SEC24D: variants seen among roughly 807,000 people sequenced by gnomAD.
SEC24D encodes the protein protein transport protein Sec24D.
Under a neutral mutation model 116.9 loss-of-function variants are expected in SEC24D, and 69 were observed. That is an observed-to-expected ratio of 0.59 (90% confidence interval 0.49 to 0.72). The LOEUF (loss-of-function observed/expected upper bound fraction) is 0.72. Among genes scored for constraint, SEC24D ranks in the 30% least tolerant of loss-of-function variants. SEC24D has a pLI of 0.00. For synonymous variants in SEC24D, 405 were observed against 442.8 expected (o/e 0.91, Z 1.07); for missense variants, 1,131 against 1,264.1 (o/e 0.89, Z 1.60).
At chr4:118,729,941 G>C (rs1456064546) in intron 21 of SEC24D, 2 of 152,324 alleles carry the variant, frequency 1.3e-5, no homozygotes, top group East Asian at 3.9e-4. Flanking sequence ...AACAACGTAA[G>C]TATTCTTCAT....
chr4:118,737,985 G>C (rs1040718940), intron 19 of SEC24D: 22 of 264,966 alleles, frequency 8.3e-5, no homozygotes, highest in South Asian at 3.0e-4. Flanking sequence ...GTTTATATTA[G>C]GACACTTCTT....
At chr4:118,780,944 G>A (rs1439117171) in intron 8 of SEC24D, among the ~76,000 whole-genome samples, 2 of 55,760 alleles carry the variant, frequency 3.6e-5, no homozygotes, top group South Asian at 1.1e-3. Context: ...CTTTCCATTT[G>A]CTTGGTAGAT....
intron 1 of SEC24D, among the ~76,000 whole-genome samples, chr4:118,834,987 T>C (rs1731029565): frequency 6.6e-6 from 1 of 152,152 alleles, no homozygotes; most frequent in African/African-American, 2.4e-5. Flanking sequence ...AAAAATATTA[T>C]GAGATCATTT....
At chr4:118,755,620 C>A (rs1227970668) in intron 11 of SEC24D, among the ~76,000 whole-genome samples, 1 of 151,938 alleles carries the variant, frequency 6.6e-6, no homozygotes, top group African/African-American at 2.4e-5. Context: ...AAGAATGAGG[C>A]CTTCCTTTTT....
intron 22 of SEC24D, among the ~76,000 whole-genome samples, chr4:118,726,613 G>C (rs1010889599): frequency 2.0e-5 from 3 of 152,168 alleles, no homozygotes; most frequent in African/African-American, 7.2e-5. Context: ...TGAACAGCTT[G>C]TAAACTGGAA....
chr4:118,780,907 C>CTTTTTTTTT (rs143712578), intron 8 of SEC24D, among the ~76,000 whole-genome samples: 1 of 61,880 alleles, frequency 1.6e-5, no homozygotes, highest in African/African-American at 6.1e-5. Flanking sequence ...GCAACCCCTG[C>CTTTTTTTTT]TTTTTTTTTT....
Position 118,740,548 on chromosome 4 carries a change from A to T in SEC24D, c.2238+115T>A, listed in dbSNP as rs895310133. 34 of 1,177,560 alleles carry T rather than the reference A, an allele frequency of 2.9e-5. No individual in the cohort carries two copies. In the African/African-American group the frequency reaches 4.8e-4, roughly 16 times the overall value. The allele number at this position is 1,177,560 out of a possible 1,614,324, so 72.9% of individuals were successfully genotyped here. A position where few individuals can be genotyped will look rare whatever the true frequency, so the allele number is the denominator to read the frequency against. ...TCTACTGACTTTTGACTTTGGAGAA[A>T]GAGTTGAATTTTTTTATGAAGAGAC... On this transcript the variant is annotated intron_variant, in intron 17 of 22. Coordinates refer to ENST00000280551, the MANE Select transcript of SEC24D (RefSeq NM_014822.4).
chr4:118,750,244 A>G (rs1726755306), intron 13 of SEC24D, among the ~76,000 whole-genome samples: 1 of 152,234 alleles, frequency 6.6e-6, no homozygotes, highest in South Asian at 2.1e-4. Context: ...ACTGATTTTC[A>G]TAATGCATCA....
At chr4:118,741,329 A>C (rs2110441517) in intron 15 of SEC24D, among the ~76,000 whole-genome samples, 1 of 152,316 alleles carries the variant, frequency 6.6e-6, no homozygotes, top group African/African-American at 2.4e-5. Context: ...TGATCCACTC[A>C]GTGGCTTAGG....
intron 13 of SEC24D, among the ~76,000 whole-genome samples, chr4:118,749,258 C>G (rs781456004): frequency 2.6e-5 from 4 of 152,074 alleles, no homozygotes; most frequent in African/African-American, 4.8e-5. Context: ...TGCACTGAAG[C>G]CTTTAGCTGG....
At chr4:118,832,601 G>C (rs1730910278) in intron 2 of SEC24D, among the ~76,000 whole-genome samples, 1 of 152,114 alleles carries the variant, frequency 6.6e-6, no homozygotes, top group African/African-American at 2.4e-5. Flanking sequence ...TATGAATCCT[G>C]GTGCTACTAC....
intron 13 of SEC24D, among the ~76,000 whole-genome samples, chr4:118,750,516 T>A (rs1726770226): frequency 6.6e-6 from 1 of 152,216 alleles, no homozygotes; most frequent in African/African-American, 2.4e-5. Context: ...GAATATCTAC[T>A]CATCCTTCCT....
At chr4:118,774,070 A>G (rs552750903) in intron 8 of SEC24D, among the ~76,000 whole-genome samples, 1 of 151,886 alleles carries the variant, frequency 6.6e-6, no homozygotes, top group East Asian at 1.9e-4. Flanking sequence ...TTTATAAATA[A>G]TATTTATTAA....
intron 19 of SEC24D, among the ~76,000 whole-genome samples, chr4:118,737,535 A>G (rs1560612855): frequency 6.6e-6 from 1 of 152,182 alleles, no homozygotes. Context: ...ACAATGAATG[A>G]ACTAGAAAGT....
intron 7 of SEC24D, among the ~76,000 whole-genome samples, chr4:118,799,339 GT>G (rs1178820420): frequency 3.9e-5 from 6 of 152,138 alleles, no homozygotes; most frequent in African/African-American, 1.4e-4. Context: ...GGGAAGGGAT[GT>G]TTTAACGGGT....
chr4:118,744,280 T>A, intron 14 of SEC24D, 122 bp from the exon 15 acceptor site: 2 of 1,014,330 alleles, frequency 2.0e-6, no homozygotes, highest in Non-Finnish European at 2.8e-6. Flanking sequence ...ATTTTCCCGT[T>A]AAGTGAACTG....
intron 13 of SEC24D, among the ~76,000 whole-genome samples, chr4:118,749,625 G>C (rs563773400): frequency 6.6e-6 from 1 of 152,130 alleles, no homozygotes; most frequent in Non-Finnish European, 1.5e-5. Context: ...ACCAGCCACA[G>C]TCCTGGGCTT....
chr4:118,742,989 G>A (rs991898168), intron 15 of SEC24D, among the ~76,000 whole-genome samples: 9 of 152,078 alleles, frequency 5.9e-5, no homozygotes, highest in East Asian at 5.8e-4. Flanking sequence ...CTCAGATCGT[G>A]CCCACTCTGT....
At chr4:118,728,530 A>G in intron 22 of SEC24D, 31 bp downstream of exon 22, 1 of 1,385,094 alleles carries the variant, frequency 7.2e-7, no homozygotes, top group Non-Finnish European at 1.0e-6. Context: ...TTAACATTTG[A>G]ATAAAGGGAA....
Sources: gnomAD v4.1 joint callset for allele counts (sites outside exome capture counted in the v4.1 genomes callset) on GRCh38, gnomAD v4.1.1 for gene constraint, MANE v1.5 for transcripts, NCBI Gene and HGNC (gene_info 2026-07-23, HGNC 2026-07-21) for gene names.